Variants in AGMO observed in about 807,000 individuals in gnomAD.
AGMO encodes the protein glyceryl-ether monooxygenase.
Under a neutral mutation model 60.2 loss-of-function variants are expected in AGMO, and 75 were observed. The ratio of observed to expected loss-of-function variants is 1.25; its 90% CI spans 1.03 to 1.51. The LOEUF is 1.51. Ranked by LOEUF, AGMO falls within the 40% of genes most tolerant of loss-of-function variation. AGMO has a pLI of 0.00. For missense variants in AGMO, 763 were observed against 525.5 expected (o/e 1.45, Z -4.42); for synonymous variants, 261 against 177.1 (o/e 1.47, Z -3.76).
intron 10 of AGMO, among the ~76,000 whole-genome samples, chr7:15,380,608 T>C (rs7807977): frequency 0.42 from 63,170 of 151,998 alleles, 15,115 homozygotes; most frequent in African/African-American, 0.65. Flanking sequence ...ATAGAATCAA[T>C]GCTATGCTTA....
In AGMO at chr7:15,440,467, T is replaced by C. The variant is rs144265741; in HGVS notation, c.410-9359A>G. 2.1e-4 allele frequency among the ~76,000 whole-genome samples: 32 copies of C among 152,274 alleles called. No homozygotes were observed. In the East Asian group the frequency reaches 6.0e-3, roughly 28 times the overall value. ...GAGAAAAGCCACAGTGTAATTTGTA[T>C]ACACACATACATTGTGTGTGTATTG... On this transcript the variant is annotated intron_variant, in intron 3 of 12. Coordinates refer to ENST00000342526, the MANE Select transcript of AGMO (RefSeq NM_001004320.2).
chr7:15,148,832 A>T, the AGMO span, among the ~76,000 whole-genome samples: 8 of 152,282 alleles, frequency 5.3e-5, no homozygotes, highest in East Asian at 1.5e-3. Context: ...TGGGGAGTAT[A>T]TACCCAGGAA....
chr7:15,349,080 A>G (rs190412494), intron 12 of AGMO, among the ~76,000 whole-genome samples: 1 of 152,156 alleles, frequency 6.6e-6, no homozygotes, highest in Non-Finnish European at 1.5e-5. Flanking sequence ...ACAACATGGA[A>G]GGAATATATA....
chr7:15,489,265 G>A (rs1032105096), intron 3 of AGMO, among the ~76,000 whole-genome samples: 2 of 152,084 alleles, frequency 1.3e-5, no homozygotes, highest in East Asian at 1.9e-4. Context: ...ATGGGGGCAG[G>A]GGAGAAAATA....
chr7:15,402,636 A>T (rs1784581796), intron 5 of AGMO, among the ~76,000 whole-genome samples: 1 of 147,704 alleles, frequency 6.8e-6, no homozygotes, highest in African/African-American at 2.5e-5. Flanking sequence ...TATATTAAAT[A>T]TAAATATATA....
intron 12 of AGMO, among the ~76,000 whole-genome samples, chr7:15,342,172 T>TTAA (rs1554418915): frequency 1.1e-4 from 6 of 54,304 alleles, no homozygotes; most frequent in African/African-American, 4.7e-4. Flanking sequence ...CCCACAGAGT[T>TTAA]AAAAAAAAAA....
At chr7:15,359,160 G>C (rs994395011) in intron 12 of AGMO, among the ~76,000 whole-genome samples, 5 of 151,790 alleles carry the variant, frequency 3.3e-5, no homozygotes, top group Admixed American at 6.6e-5. Flanking sequence ...ATGGTGGCAG[G>C]AACCTGTAGT....
intron 3 of AGMO, among the ~76,000 whole-genome samples, chr7:15,454,356 A>G (rs953500673): frequency 2.6e-4 from 13 of 49,420 alleles, no homozygotes; most frequent in African/African-American, 1.0e-3. Context: ...AAGTGTTCTC[A>G]CCACACACAC....
At chr7:15,282,214 G>T (rs1427704694) in intron 12 of AGMO, among the ~76,000 whole-genome samples, 2 of 151,916 alleles carry the variant, frequency 1.3e-5, no homozygotes, top group East Asian at 3.9e-4. Flanking sequence ...TTGAGCAATG[G>T]ATCCAAACCA....
chr7:15,368,572 G>T (rs773640650), intron 10 of AGMO, among the ~76,000 whole-genome samples: 4 of 152,062 alleles, frequency 2.6e-5, no homozygotes, highest in Non-Finnish European at 5.9e-5. Flanking sequence ...AATAAAATAC[G>T]CGTTTGGCAA....
intron 5 of AGMO, among the ~76,000 whole-genome samples, chr7:15,415,017 TA>T (rs1210309620): frequency 2.0e-5 from 3 of 152,190 alleles, no homozygotes; most frequent in African/African-American, 7.2e-5. Context: ...TGGTAAAAGT[TA>T]AAACTCTGAA....
chr7:15,468,128 T>G (rs1562522486), intron 3 of AGMO, among the ~76,000 whole-genome samples: 1 of 152,306 alleles, frequency 6.6e-6, no homozygotes, highest in East Asian at 1.9e-4. Flanking sequence ...TGGGGATACC[T>G]CCTCAAGAAG....
At chr7:15,267,408 C>G (rs1313197884) in intron 12 of AGMO, among the ~76,000 whole-genome samples, 1 of 151,956 alleles carries the variant, frequency 6.6e-6, no homozygotes, top group Admixed American at 6.6e-5. Context: ...GTGAGCTTCT[C>G]AAATGATAAT....
chr7:15,361,546 A>AAAAAAAAAAAAAG lies in AGMO; in HGVS notation c.1263+3967_1263+3968insCTTTTTTTTTTTT, dbSNP rs60239009. On this transcript the variant is annotated intron_variant, in intron 12 of 12. Transcript: ENST00000342526. ...CAGAGCGAGACTGTGTCTCAAAAAA[A>AAAAAAAAAAAAAG]AAAAAAAAGGTTTTGAGATTTAGAT... Among the ~76,000 whole-genome samples the AAAAAAAAAAAAAG allele has an allele frequency of 4.9e-3, 449 of 91,416 alleles. 37 individuals are homozygous for AAAAAAAAAAAAAG. The highest frequency in any genetic ancestry group is 0.018 in the African/African-American group (409 of 23,286). The allele number at this position is 91,416 out of a possible 152,430, so 60.0% of individuals were successfully genotyped here. A position where few individuals can be genotyped will look rare whatever the true frequency, so the allele number is the denominator to read the frequency against.
chr7:15,163,188 A>G, the AGMO span, among the ~76,000 whole-genome samples: 17 of 152,164 alleles, frequency 1.1e-4, no homozygotes, highest in African/African-American at 3.6e-4. Flanking sequence ...CTGAAAATTT[A>G]CTGAAGTCAT....
the AGMO span, among the ~76,000 whole-genome samples, chr7:15,167,367 CTTT>C: frequency 6.6e-6 from 1 of 152,014 alleles, no homozygotes; most frequent in Admixed American, 6.6e-5. Context: ...TTCTTTCGGA[CTTT>C]ATTTGTTCAA....
chr7:15,395,754 C>T (rs1442992353), intron 5 of AGMO, among the ~76,000 whole-genome samples: 1 of 152,152 alleles, frequency 6.6e-6, no homozygotes, highest in Non-Finnish European at 1.5e-5. Flanking sequence ...GTCCATAAAT[C>T]CTCACTAATC....
At chr7:15,543,893 T>C (rs1784697388) in intron 3 of AGMO, among the ~76,000 whole-genome samples, 1 of 151,832 alleles carries the variant, frequency 6.6e-6, no homozygotes, top group Non-Finnish European at 1.5e-5. Context: ...CTGTTTTCCA[T>C]AGTCATTGTA....
chr7:15,344,964 C>T (rs1418627076), intron 12 of AGMO, among the ~76,000 whole-genome samples: 2 of 152,092 alleles, frequency 1.3e-5, no homozygotes, highest in African/African-American at 2.4e-5. Flanking sequence ...CTAAATCTTT[C>T]AGTTTTCTGG....
Sources: gnomAD v4.1 joint callset for allele counts (sites outside exome capture counted in the v4.1 genomes callset) on GRCh38, gnomAD v4.1.1 for gene constraint, MANE v1.5 for transcripts, NCBI Gene and HGNC (gene_info 2026-07-23, HGNC 2026-07-21) for gene names.